CUTC: variants seen among roughly 807,000 people sequenced by gnomAD.
The protein encoded by CUTC is copper homeostasis protein cutC homolog.
CUTC carries 27 observed loss-of-function variants against 36.2 expected under a neutral mutation model. The observed-to-expected ratio is 0.75, with a 90% CI of 0.55 to 1.03. The LOEUF is 1.03. CUTC is among the 50% of genes least tolerant of loss of function. CUTC has a pLI of 0.00. For synonymous variants in CUTC, 114 were observed against 118.3 expected (o/e 0.96, Z 0.24); for missense variants, 315 against 343.5 (o/e 0.92, Z 0.66).
intron 6 of CUTC, among the ~76,000 whole-genome samples, chr10:99,749,071 T>C (rs2037399388): frequency 6.6e-6 from 1 of 152,164 alleles, no homozygotes. Context: ...TAGTAATGTA[T>C]TGCATTTCAA....
rs766889024 is a variant in CUTC at position 99,754,636 on chromosome 10, T to A, written c.707+2T>A. On this transcript the variant is annotated splice_donor_variant, in intron 8 of 8. Coordinates refer to ENST00000370476, the MANE Select transcript of CUTC (RefSeq NM_015960.3). LOFTEE classifies it high-confidence loss of function. ...TAGAGACTCGGGAATGAAGTTTCGGTAAAAATGTATTCTTCGATTCAAATA... is the reference window on the plus strand; with the variant it reads ...TAGAGACTCGGGAATGAAGTTTCGGAAAAAATGTATTCTTCGATTCAAATA... 2 of 1,587,726 alleles carry A rather than the reference T, an allele frequency of 1.3e-6. No homozygotes were observed. The highest frequency in any genetic ancestry group is 1.7e-6 in the Non-Finnish European group (2 of 1,159,594).
chr10:99,745,409 C>G (rs1160021555), intron 5 of CUTC, among the ~76,000 whole-genome samples: 1 of 152,206 alleles, frequency 6.6e-6, no homozygotes, highest in East Asian at 1.9e-4. Flanking sequence ...ATGAAGGGGC[C>G]TGTCCCAGAG....
intron 2 of CUTC, among the ~76,000 whole-genome samples, chr10:99,739,371 T>G (rs1294141246): frequency 6.6e-6 from 1 of 152,240 alleles, no homozygotes; most frequent in African/African-American, 2.4e-5. Context: ...TATGTTATTT[T>G]CTTATCAACA....
chr10:99,753,543 G>A (rs1467192717), intron 7 of CUTC, among the ~76,000 whole-genome samples: 1 of 152,142 alleles, frequency 6.6e-6, no homozygotes, highest in Non-Finnish European at 1.5e-5. Context: ...TTGAATAGGT[G>A]GGTCTACAGG....
chr10:99,753,465 A>G (rs772316026), intron 7 of CUTC, among the ~76,000 whole-genome samples: 14 of 152,146 alleles, frequency 9.2e-5, no homozygotes, highest in Non-Finnish European at 1.3e-4. Context: ...GCTATGGTGC[A>G]GTGGTGCAGT....
At chr10:99,742,985 A>T (rs1314242691) in intron 3 of CUTC, among the ~76,000 whole-genome samples, 168 bp from the exon 4 acceptor site, 1 of 152,202 alleles carries the variant, frequency 6.6e-6, no homozygotes, top group Non-Finnish European at 1.5e-5. Flanking sequence ...CTGTTTTCTA[A>T]ATCGTTCTAT....
intron 6 of CUTC, 130 bp from the exon 7 acceptor site, chr10:99,750,239 A>G (rs2037406333): frequency 5.9e-6 from 3 of 511,830 alleles, no homozygotes; most frequent in Non-Finnish European, 9.4e-6. Context: ...AAGATCTAGT[A>G]AAAATTAAAC....
chr10:99,736,178 C>A, intron 1 of CUTC, 68 bp from the exon 2 acceptor site: 1 of 1,329,390 alleles, frequency 7.5e-7, no homozygotes, highest in South Asian at 1.2e-5. Flanking sequence ...GAATGTAAAC[C>A]CTTTGTGGTA....
At chr10:99,743,837 AT>A (rs1328081121) in intron 4 of CUTC, among the ~76,000 whole-genome samples, 199 bp from the exon 5 acceptor site, 1 of 152,136 alleles carries the variant, frequency 6.6e-6, no homozygotes, top group Non-Finnish European at 1.5e-5. Flanking sequence ...AGCCACGACC[AT>A]TTTTTTGTAT....
At chr10:99,733,365 A>G (rs764488962) in intron 1 of CUTC, among the ~76,000 whole-genome samples, 16 of 152,322 alleles carry the variant, frequency 1.1e-4, no homozygotes, top group Non-Finnish European at 2.2e-4. Context: ...GAAAATAACC[A>G]TAGTAAACCC....
At chr10:99,746,080 T>G (rs2037375725) in intron 5 of CUTC, among the ~76,000 whole-genome samples, 1 of 152,202 alleles carries the variant, frequency 6.6e-6, no homozygotes, top group South Asian at 2.1e-4. Context: ...CAAATTTGAC[T>G]CACCTGCCTA....
chr10:99,747,421 G>T lies in CUTC; in HGVS notation c.573+31G>T, dbSNP rs1213229896. 2.0e-5 allele frequency: 33 copies of T among 1,613,042 alleles called. No homozygotes were observed. The Admixed American group carries it at 5.2e-4, about 25-fold the overall frequency. ...TGGACTTTATCTTTTTTTCCCCTAA[G>T]ACTCTGTTGTGGTTACTCCTGACAT... On this transcript the variant is annotated intron_variant, in intron 6 of 8. Transcript: ENST00000370476.
chr10:99,734,226 C>T (rs1340396513), intron 1 of CUTC, among the ~76,000 whole-genome samples: 5 of 152,220 alleles, frequency 3.3e-5, no homozygotes, highest in East Asian at 1.9e-4. Context: ...CCCGCCACCA[C>T]GCCCGGCTAA....
chr10:99,736,535 C>T lies in CUTC; in HGVS notation c.133+218C>T, dbSNP rs545678940. Among the ~76,000 whole-genome samples the T allele has an allele frequency of 7.9e-5, 12 of 152,304 alleles. No individual in the cohort carries two copies. In the East Asian group the frequency reaches 1.9e-3, roughly 24 times the overall value. ...AGTCAAGTGTCGACAATAGTACTTACTCAATGACTTGATTTTTTATTGAAC... is the reference window on the plus strand; with the variant it reads ...AGTCAAGTGTCGACAATAGTACTTATTCAATGACTTGATTTTTTATTGAAC... On this transcript the variant is annotated intron_variant, in intron 2 of 8. Transcript: ENST00000370476.
chr10:99,751,353 T>TTTTGTTTG (rs922975627), intron 7 of CUTC, among the ~76,000 whole-genome samples: 3 of 152,140 alleles, frequency 2.0e-5, no homozygotes, highest in Non-Finnish European at 4.4e-5. Flanking sequence ...TTTGGTTATC[T>TTTTGTTTG]TTTGTTTGTT....
intron 5 of CUTC, among the ~76,000 whole-genome samples, chr10:99,746,479 A>T (rs554093645): frequency 6.6e-6 from 1 of 152,186 alleles, no homozygotes; most frequent in African/African-American, 2.4e-5. Context: ...TTATCTGTAT[A>T]ACAAACCTGC....
chr10:99,750,802 A>G (rs747362547), intron 7 of CUTC, among the ~76,000 whole-genome samples: 1 of 152,200 alleles, frequency 6.6e-6, no homozygotes, highest in Non-Finnish European at 1.5e-5. Flanking sequence ...TTTAGGCAAC[A>G]TCCTTGGGTA....
At chr10:99,742,437 AT>A (rs1161677624) in intron 3 of CUTC, among the ~76,000 whole-genome samples, 2 of 152,290 alleles carry the variant, frequency 1.3e-5, no homozygotes, top group South Asian at 4.1e-4. Flanking sequence ...ATGTCTGTAA[AT>A]TTGAGTACAG....
At chr10:99,737,749 T>G (rs2037308283) in intron 2 of CUTC, among the ~76,000 whole-genome samples, 1 of 152,232 alleles carries the variant, frequency 6.6e-6, no homozygotes, top group South Asian at 2.1e-4. Context: ...CATGGTTTGC[T>G]GACCCCTGAT....
Sources: allele counts gnomAD v4.1 joint callset (sites outside exome capture counted in the v4.1 genomes callset), GRCh38; gene constraint gnomAD v4.1.1; transcripts MANE v1.5; gene names NCBI Gene and HGNC (gene_info 2026-07-23, HGNC 2026-07-21).